VPS53: variants seen among roughly 807,000 people sequenced by gnomAD.
The protein encoded by VPS53 is vacuolar protein sorting-associated protein 53 homolog.
VPS53 carries 70 observed loss-of-function variants against 107.0 expected under a neutral mutation model. The observed-to-expected ratio is 0.65, with a 90% CI of 0.54 to 0.80. The LOEUF is 0.80. Among genes scored for constraint, VPS53 ranks in the 30% least tolerant of loss-of-function variants. VPS53 has a pLI of 0.00. For missense variants in VPS53, 917 were observed against 1,049.4 expected, an observed-to-expected ratio of 0.87 and a Z score of 1.74; for synonymous variants, 409 against 393.3, an observed-to-expected ratio of 1.04 and a Z score of -0.47.
At chr17:696,571 A>G (rs870183) in intron 4 of VPS53, among the ~76,000 whole-genome samples, 65,359 of 151,970 alleles carry the variant, frequency 0.43, 15,591 homozygotes, top group Non-Finnish European at 0.54. Context: ...TTTCTACTAC[A>G]ACAGCCATTC....
chr17:617,216 G>A (rs947475792), intron 11 of VPS53, among the ~76,000 whole-genome samples: 5 of 152,158 alleles, frequency 3.3e-5, no homozygotes, highest in Non-Finnish European at 5.9e-5. Context: ...CATGCTTGTC[G>A]CCGGGCAGAT....
intron 4 of VPS53, among the ~76,000 whole-genome samples, chr17:668,948 AAGAT>A (rs1971819185): frequency 1.3e-5 from 2 of 152,180 alleles, no homozygotes. Flanking sequence ...CACAGTCTCC[AAGAT>A]AGATAAACTA....
chr17:591,080 T>C (rs1287334131), intron 12 of VPS53, among the ~76,000 whole-genome samples: 3 of 152,226 alleles, frequency 2.0e-5, no homozygotes, highest in Admixed American at 2.0e-4. Context: ...TATTCAGAGA[T>C]TCAACTTCTT....
At chr17:655,695 T>C in intron 6 of VPS53, 143 bp downstream of exon 6, 1 of 706,816 alleles carries the variant, frequency 1.4e-6, no homozygotes, top group South Asian at 2.1e-5. Flanking sequence ...GCAAAAATGG[T>C]GACTGAACAC....
At position 560,570 on chromosome 17, in the gene VPS53, G is replaced by A; in HGVS notation, c.1560C>T (p.Thr520=). 6.2e-7 allele frequency: 1 copy of A among 1,613,076 alleles called. No homozygotes were observed. The highest frequency in any genetic ancestry group is 8.5e-7 in the Non-Finnish European group (1 of 1,179,584). ...WKILSGNLPK[T]TTSSGGLTIS... ...TAGTCAGTCCTCCACTGCTGGTTGT[G>A]GTTCTGAAGAAAAGGAACAGGAACA... The change falls in exon 15 of 22, where the codon ACC becomes ACT. Residue 520 remains threonine (T), a synonymous_variant. Transcript: ENST00000437048.
intron 4 of VPS53, among the ~76,000 whole-genome samples, chr17:696,969 C>G (rs539498733): frequency 6.6e-6 from 1 of 152,110 alleles, no homozygotes; most frequent in East Asian, 1.9e-4. Context: ...GCCCGGCCAA[C>G]TTGTAAAATT....
At chr17:596,991 G>C (rs760048185) in intron 12 of VPS53, among the ~76,000 whole-genome samples, 1 of 152,114 alleles carries the variant, frequency 6.6e-6, no homozygotes, top group Admixed American at 6.5e-5. Flanking sequence ...CGAACCGCTC[G>C]GATCACCAGA....
chr17:613,667 AAT>A (rs1225951037), intron 11 of VPS53, among the ~76,000 whole-genome samples: 1 of 150,256 alleles, frequency 6.7e-6, no homozygotes, highest in East Asian at 2.0e-4. Flanking sequence ...GCAGTATTCA[AAT>A]AGTGAATTCA....
intron 13 of VPS53, among the ~76,000 whole-genome samples, chr17:577,114 CA>C (rs1277813106): frequency 6.6e-6 from 1 of 151,380 alleles, no homozygotes; most frequent in Admixed American, 6.6e-5. Flanking sequence ...AATGTGTTCC[CA>C]AAGAACTTCC....
intron 20 of VPS53, among the ~76,000 whole-genome samples, chr17:521,393 T>C (rs1339185555): frequency 6.6e-6 from 1 of 152,104 alleles, no homozygotes; most frequent in African/African-American, 2.4e-5. Flanking sequence ...CAACAAGAAA[T>C]TCATTTGTCA....
intron 11 of VPS53, among the ~76,000 whole-genome samples, chr17:623,131 A>G (rs1027979263): frequency 6.6e-6 from 1 of 152,202 alleles, no homozygotes; most frequent in Non-Finnish European, 1.5e-5. Context: ...TGGGGTTTAC[A>G]GAGACTCATT....
intron 7 of VPS53, among the ~76,000 whole-genome samples, chr17:637,611 ATGTTGTATCT>A (rs1334814104): frequency 6.6e-6 from 1 of 152,160 alleles, no homozygotes; most frequent in African/African-American, 2.4e-5. Flanking sequence ...AGATTCTGGT[ATGTTGTATCT>A]TGTTCTCATT....
chr17:680,496 G>C (rs1261562676), intron 4 of VPS53, among the ~76,000 whole-genome samples: 2 of 151,444 alleles, frequency 1.3e-5, no homozygotes, highest in Non-Finnish European at 2.9e-5. Flanking sequence ...TTAAAAAGAA[G>C]GAAAAAAAAA....
chr17:554,284 C>T (rs6598848), intron 15 of VPS53, among the ~76,000 whole-genome samples: 102,445 of 152,146 alleles, frequency 0.67, 36,289 homozygotes, highest in African/African-American at 0.88. Context: ...ACACTCAACA[C>T]GCTCCTGGCG....
chr17:658,007 C>T (rs113374606), intron 5 of VPS53, among the ~76,000 whole-genome samples: 1 of 105,224 alleles, frequency 9.5e-6, no homozygotes, highest in Non-Finnish European at 1.9e-5. Context: ...GATACTCGGC[C>T]GTGAGTTCGT....
intron 15 of VPS53, among the ~76,000 whole-genome samples, chr17:557,706 C>T (rs1242879361): frequency 6.6e-6 from 1 of 152,028 alleles, no homozygotes; most frequent in Non-Finnish European, 1.5e-5. Flanking sequence ...AAACAATTTT[C>T]ACTAAATAAA....
chr17:655,917 G>T lies in VPS53; in HGVS notation c.409C>A (p.His137Asn). Residue 137 changes from histidine to asparagine, a missense_variant, in exon 6 of 22, where the codon CAC becomes AAC. By Grantham distance (68) the His-to-Asn change is moderately conservative. Transcript: ENST00000437048. ...EITRDIKQLD[H>N]AKRHLTTSIT... Reference sequence around the variant, plus strand: ...GAGGTGGTCAGGTGGCGTTTGGCGTGATCTAATTGCTTAATATCACGGGTG... The same window carrying T: ...GAGGTGGTCAGGTGGCGTTTGGCGTTATCTAATTGCTTAATATCACGGGTG... 6.2e-7 allele frequency: 1 copy of T among 1,613,882 alleles called. No homozygotes were observed. The highest frequency in any genetic ancestry group is 8.5e-7 in the Non-Finnish European group (1 of 1,179,938).
At position 524,012 on chromosome 17, in the gene VPS53, G is replaced by A. The variant is rs1411635005; in HGVS notation, c.2086-2274C>T. On this transcript the variant is annotated intron_variant, in intron 19 of 21. Transcript: ENST00000437048. The surrounding 1 kb of genome is among the most constrained non-coding windows in gnomAD (Gnocchi z 4.5). ...ATATAAAAAAGAAAAACTTTAAGAA[G>A]AAAATACAGGGCGCAGTGGCTCATG... Among the ~76,000 whole-genome samples, 1 of 152,142 alleles carries A rather than the reference G, an allele frequency of 6.6e-6. No individual in the cohort carries two copies. Among genetic ancestry groups the A allele is most frequent in the African/African-American group, 2.4e-5 (1 of 41,422 alleles).
rs777589083 is a variant in VPS53, at chr17:623,533, C to T, written c.1116G>A (p.Leu372=). The change falls in exon 11 of 22, where the codon CTG becomes CTA. Residue 372 remains leucine, a splice_region_variant and synonymous_variant. Transcript: ENST00000437048. ...GGCAGCTCCCTAGGGAAGGTCTTACCAGGGTCCCATCGGTCAGGGTGCAGC... is the reference window on the plus strand; with the variant it reads ...GGCAGCTCCCTAGGGAAGGTCTTACTAGGGTCCCATCGGTCAGGGTGCAGC... The part of the protein sequence containing the change: ...FSGCTLTDGT[L]KKLESPPPST... The T allele has an allele frequency of 6.2e-7, 1 of 1,611,600 alleles. No homozygotes were observed. The highest frequency in any genetic ancestry group is 1.3e-5 in the African/African-American group (1 of 74,920).
Sources: gnomAD v4.1 joint callset for allele counts (sites outside exome capture counted in the v4.1 genomes callset) on GRCh38, gnomAD v4.1.1 for gene constraint, Gnocchi (gnomAD v3.1) non-coding constraint, MANE v1.5 for transcripts, NCBI Gene and HGNC (gene_info 2026-07-23, HGNC 2026-07-21) for gene names.